KIAA1671: variants seen among roughly 807,000 people sequenced by gnomAD.
The protein encoded by KIAA1671 is uncharacterized protein KIAA1671.
In KIAA1671, 52 loss-of-function variants were observed where a neutral mutation model predicts 131.2. The observed-to-expected ratio is 0.40, with a 90% CI of 0.32 to 0.50. The LOEUF (loss-of-function observed/expected upper bound fraction) is 0.50, where lower values mean the gene tolerates loss of function less well. KIAA1671 is among the 20% of genes least tolerant of loss of function. The probability of loss-of-function intolerance (pLI) is 0.73; values close to 1 mark genes in which losing one functional copy is unlikely to be tolerated. For missense variants in KIAA1671, 2,360 were observed against 2,364.2 expected, an observed-to-expected ratio of 1.00 and a Z score of 0.04; for synonymous variants, 1,003 against 961.6, an observed-to-expected ratio of 1.04 and a Z score of -0.80.
At chr22:25,177,105 G>C in intron 8 of KIAA1671, 1 of 520,768 alleles carries the variant, frequency 1.9e-6, no homozygotes, top group Non-Finnish European at 3.4e-6. Flanking sequence ...GCCAGGCACT[G>C]TACTAGGGCA....
In KIAA1671 at chr22:25,029,396, C is replaced by T; in HGVS notation, c.1397C>T (p.Pro466Leu). 2 of 1,551,434 alleles carry T rather than the reference C, an allele frequency of 1.3e-6. No homozygotes were observed. Among genetic ancestry groups the T allele is most frequent in the Non-Finnish European group, 1.7e-6 (2 of 1,146,860 alleles). The change falls in exon 3 of 13, where the codon CCA becomes CTA. Residue 466 changes from proline (P) to leucine (L), a missense_variant. Pro to Leu is a moderately conservative substitution (Grantham distance 98). This residue lies in a region of KIAA1671 where 1,185 missense variants were observed against 1,126.2 expected (regional missense o/e 1.05). Transcript: ENST00000358431. ...TCTCCCCTGGCCACCCCTGCGTCCC[C>T]ATCGGCGGCACCAGAGCCGGAGAAA... ...SESPLATPAS[P>L]SAAPEPEKGV...
At chr22:24,959,124 C>T (rs1921880471) in intron 1 of KIAA1671, among the ~76,000 whole-genome samples, 1 of 151,882 alleles carries the variant, frequency 6.6e-6, no homozygotes, top group Admixed American at 6.6e-5. Context: ...GATTGCACCA[C>T]TGCACTTTAG....
rs1568950935 is a variant in KIAA1671 at position 25,093,727 on chromosome 22, ACACACACACACTCTCTCTCTCT to A, written c.4530+44365_4530+44386del. ...CACACACACACACACACACACACAC[ACACACACACACTCTCTCTCTCT>A]CTCTCTCTCTCTCTCTCTGTCTCTC... On this transcript the variant is annotated intron_variant, in intron 6 of 12. Transcript: ENST00000358431. Among the ~76,000 whole-genome samples the A allele has an allele frequency of 3.0e-3, 182 of 61,252 alleles. 8 individuals are homozygous for A. Among genetic ancestry groups the A allele is most frequent in the Non-Finnish European group, 3.8e-3 (125 of 33,316 alleles). The allele number at this position is 61,252 out of a possible 152,430, so 40.2% of individuals were successfully genotyped here.
chr22:25,030,979 A>T (rs1392119311), intron 3 of KIAA1671, among the ~76,000 whole-genome samples: 1 of 152,184 alleles, frequency 6.6e-6, no homozygotes, highest in Non-Finnish European at 1.5e-5. Flanking sequence ...ACCCCTAGAG[A>T]TTCCGATTCA....
At chr22:24,987,014 A>G (rs534441690) in intron 1 of KIAA1671, among the ~76,000 whole-genome samples, 2 of 152,206 alleles carry the variant, frequency 1.3e-5, no homozygotes, top group East Asian at 3.9e-4. Flanking sequence ...CTGCACAAGC[A>G]GCCCAGACAG....
Position 25,164,961 on chromosome 22 carries a change from AG to A in KIAA1671, c.4531-5858del, listed in dbSNP as rs1473719895. On this transcript the variant is annotated intron_variant, in intron 6 of 12. Coordinates refer to ENST00000358431, the MANE Select transcript of KIAA1671 (RefSeq NM_001145206.2). ...AGACTGTCTCGGGAAAAAAAAAAAA[AG>A]AGAGAGAGTTGCAGGCGTGTGTGTG... Among the ~76,000 whole-genome samples the A allele has an allele frequency of 2.4e-3, 148 of 61,056 alleles. 1 individual carries two copies. The highest frequency in any genetic ancestry group is 5.2e-3 in the African/African-American group (46 of 8,890). The allele number at this position is 61,056 out of a possible 152,430, so 40.1% of individuals were successfully genotyped here. A position where few individuals can be genotyped will look rare whatever the true frequency, so the allele number is the denominator to read the frequency against.
intron 6 of KIAA1671, among the ~76,000 whole-genome samples, chr22:25,158,893 G>C (rs1206232294): frequency 6.6e-6 from 1 of 152,160 alleles, no homozygotes; most frequent in Admixed American, 6.5e-5. Flanking sequence ...TGTGAAATGG[G>C]GATATTAACA....
intron 1 of KIAA1671, among the ~76,000 whole-genome samples, chr22:25,020,583 G>A (rs1925611616): frequency 1.3e-5 from 2 of 152,176 alleles, no homozygotes; most frequent in Non-Finnish European, 2.9e-5. Context: ...GGAAACAGAG[G>A]TAGTCACCAG....
Position 25,038,796 on chromosome 22 carries a change from C to T in KIAA1671, c.1666C>T (p.Pro556Ser). 6.5e-7 allele frequency: 1 copy of T among 1,549,810 alleles called. No individual in the cohort carries two copies. Residue 556 changes from proline to serine, a missense_variant, in exon 5 of 13, where the codon CCG (proline) becomes TCG (serine). Transcript: ENST00000358431. ...EGHSLDGACI[P>S]RSPWKPGTLR... is the part of the protein sequence containing the mutation. ...GCACAGTTTGGATGGAGCATGCATC[C>T]CGAGAAGCCCCTGGAAGCCTGGGAC...
At chr22:25,019,597 A>G (rs866830148) in intron 1 of KIAA1671, among the ~76,000 whole-genome samples, 2 of 150,952 alleles carry the variant, frequency 1.3e-5, no homozygotes, top group Middle Eastern at 3.4e-3. Flanking sequence ...GGTCTCCAAC[A>G]TGTTTTTTTT....
chr22:25,031,174 G>T (rs6004400), intron 3 of KIAA1671, among the ~76,000 whole-genome samples: 20,716 of 149,426 alleles, frequency 0.14, 1,485 homozygotes, highest in Non-Finnish European at 0.15. Flanking sequence ...TTACAGGCAC[G>T]CGCCACCACA....
chr22:24,992,201 CAG>C, intron 1 of KIAA1671, among the ~76,000 whole-genome samples: 1 of 152,316 alleles, frequency 6.6e-6, no homozygotes, highest in African/African-American at 2.4e-5. Context: ...CCTGTAGGAG[CAG>C]AGTTACCCTA....
rs1180996120 is a variant in KIAA1671 at position 25,092,750 on chromosome 22, C to T, written c.4530+43386C>T. Among the ~76,000 whole-genome samples the T allele has an allele frequency of 2.6e-5, 4 of 152,112 alleles. No individual in the cohort carries two copies. In the East Asian group the frequency reaches 5.8e-4, roughly 22 times the overall value. ...TACGGAGGGTCCCCAGTGTCTGGCC[C>T]GAATAACAGGCGAGTGGTGCCAAAT... On this transcript the variant is annotated intron_variant, in intron 6 of 12. Coordinates refer to ENST00000358431, the MANE Select transcript of KIAA1671 (RefSeq NM_001145206.2).
At chr22:25,150,263 C>A (rs1601358995) in intron 6 of KIAA1671, among the ~76,000 whole-genome samples, 1 of 152,212 alleles carries the variant, frequency 6.6e-6, no homozygotes. Flanking sequence ...GAGGAGGCCA[C>A]CTGATGGGAG....
At chr22:24,970,333 A>G (rs1443657860) in intron 1 of KIAA1671, among the ~76,000 whole-genome samples, 1 of 152,114 alleles carries the variant, frequency 6.6e-6, no homozygotes, top group East Asian at 1.9e-4. Flanking sequence ...AAGGCCAGAG[A>G]GAGGAAAGGG....
intron 6 of KIAA1671, among the ~76,000 whole-genome samples, chr22:25,129,072 T>C (rs1163038462): frequency 6.6e-6 from 1 of 152,004 alleles, no homozygotes; most frequent in Non-Finnish European, 1.5e-5. Flanking sequence ...CTGCTGTCTG[T>C]GCTCTGTCAG....
chr22:24,954,197 C>A (rs1192486643), intron 1 of KIAA1671, among the ~76,000 whole-genome samples: 1 of 152,142 alleles, frequency 6.6e-6, no homozygotes, highest in Non-Finnish European at 1.5e-5. Flanking sequence ...CTCTGATCCC[C>A]CCTTGCAGAG....
chr22:24,983,361 T>C (rs1056938249), intron 1 of KIAA1671, among the ~76,000 whole-genome samples: 1 of 152,088 alleles, frequency 6.6e-6, no homozygotes, highest in African/African-American at 2.4e-5. Context: ...ATTGTTGGCG[T>C]TTTTTGGCTT....
chr22:25,165,849 A>C (rs925085231), intron 6 of KIAA1671, among the ~76,000 whole-genome samples: 11 of 151,738 alleles, frequency 7.2e-5, no homozygotes, highest in Admixed American at 3.9e-4. Flanking sequence ...GAGGGGAGGG[A>C]AATGGGGCTG....
Sources: allele counts gnomAD v4.1 joint callset (sites outside exome capture counted in the v4.1 genomes callset), GRCh38; gene constraint gnomAD v4.1.1; regional missense constraint gnomAD v4.1.1; transcripts MANE v1.5; gene names NCBI Gene and HGNC (gene_info 2026-07-23, HGNC 2026-07-21).